The following SNRPD1 variants were observed in gnomAD, a reference collection of about 807,000 sequenced individuals.
SNRPD1 encodes small nuclear ribonucleoprotein Sm D1.
A neutral mutation model predicts 14.4 loss-of-function variants in SNRPD1; 1 was observed. The observed-to-expected ratio is 0.07, with a 90% CI of 0.02 to 0.33. The LOEUF (loss-of-function observed/expected upper bound fraction) is 0.33, where lower values mean the gene tolerates loss of function less well. SNRPD1 is among the 10% of genes least tolerant of loss of function. The pLI is 1.00. For synonymous variants in SNRPD1, 42 were observed against 50.3 expected (o/e 0.83, Z 0.70); for missense variants, 52 against 146.4 (o/e 0.36, Z 3.33).
intron 3 of SNRPD1, among the ~76,000 whole-genome samples, chr18:21,628,033 C>G (rs550976343): frequency 6.6e-6 from 1 of 152,124 alleles, no homozygotes; most frequent in Non-Finnish European, 1.5e-5. Context: ...TAATTAGCAT[C>G]TTAAACTTAC....
intron 3 of SNRPD1, among the ~76,000 whole-genome samples, chr18:21,625,316 A>ATTTTTTTTTTTTTTTTTTTTTTTTT (rs144395165): frequency 1.8e-5 from 2 of 109,102 alleles, no homozygotes; most frequent in Non-Finnish European, 3.3e-5. Flanking sequence ...GTTGAAAAAA[A>ATTTTTTTTTTTTTTTTTTTTTTTTT]TTTTTTTTTT....
At chr18:21,625,566 T>C (rs193270098) in intron 3 of SNRPD1, among the ~76,000 whole-genome samples, 1,801 of 152,080 alleles carry the variant, frequency 0.012, 20 homozygotes, top group Non-Finnish European at 0.017. Context: ...TCCACCCGCC[T>C]CGGCCTTCCA....
intron 3 of SNRPD1, among the ~76,000 whole-genome samples, chr18:21,625,310 A>T (rs1393230609): frequency 2.2e-5 from 2 of 90,080 alleles, no homozygotes; most frequent in African/African-American, 1.4e-4. Flanking sequence ...AATTTTGTTG[A>T]AAAAAATTTT....
chr18:21,627,354 ATCC>A (rs2039047799), intron 3 of SNRPD1, among the ~76,000 whole-genome samples: 2 of 151,346 alleles, frequency 1.3e-5, no homozygotes, highest in Non-Finnish European at 2.9e-5. Flanking sequence ...GTCTCAAACA[ATCC>A]TCCTGCTGTG....
intron 2 of SNRPD1, among the ~76,000 whole-genome samples, chr18:21,623,427 C>A (rs983158294): frequency 6.6e-6 from 1 of 152,128 alleles, no homozygotes; most frequent in Non-Finnish European, 1.5e-5. Flanking sequence ...GAGGAAGTTA[C>A]AAAGACAGTG....
intron 1 of SNRPD1, among the ~76,000 whole-genome samples, chr18:21,616,061 C>T (rs1160971935): frequency 3.3e-5 from 5 of 152,196 alleles, no homozygotes; most frequent in African/African-American, 1.2e-4. Flanking sequence ...TCTTGGTTCA[C>T]TGCAAGCTCC....
In SNRPD1 at chr18:21,631,833, G is replaced by C. The variant is rs1328350085; in HGVS notation, c.*2695G>C. On this transcript the variant is annotated 3_prime_UTR_variant, in exon 4 of 4. Transcript: ENST00000300413. ...TGCTCCTATTGCTTGTATCCAAGTA[G>C]AAGGCAAAAGGCAAGAGACCCCTGT... 6.6e-6 allele frequency: 1 copy of C among 152,014 alleles called. No individual in the cohort carries two copies. The highest frequency in any genetic ancestry group is 1.5e-5 in the Non-Finnish European group (1 of 68,028). The allele number at this position is 152,014 out of a possible 1,614,324, so 9.4% of individuals were successfully genotyped here.
intron 3 of SNRPD1, among the ~76,000 whole-genome samples, chr18:21,624,457 C>T (rs779672325): frequency 1.3e-5 from 2 of 151,556 alleles, no homozygotes; most frequent in Non-Finnish European, 2.9e-5. Context: ...TTTGGGAGGC[C>T]AAGGTGGGCA....
intron 1 of SNRPD1, among the ~76,000 whole-genome samples, chr18:21,616,880 AT>A (rs2146256558): frequency 7.4e-6 from 1 of 134,484 alleles, no homozygotes; most frequent in East Asian, 2.4e-4. Flanking sequence ...TAGAGATGGG[AT>A]TTCACCACTT....
chr18:21,619,779 C>CA lies in SNRPD1; in HGVS notation c.15-2937dup, dbSNP rs542087657. ...TGGGTGACAGAGCGAGACTCCGTCTCAAAAAAAAATAGAATTTTAAAAAAA... is the reference window on the plus strand; with the variant it reads ...TGGGTGACAGAGCGAGACTCCGTCTCAAAAAAAAAATAGAATTTTAAAAAAA... On this transcript the variant is annotated intron_variant, in intron 1 of 3. Transcript: ENST00000300413. Among the ~76,000 whole-genome samples the CA allele has an allele frequency of 8.2e-4, 122 of 148,836 alleles. 3 individuals carry two copies. The South Asian group carries it at 0.021, about 26-fold the overall frequency.
intron 3 of SNRPD1, among the ~76,000 whole-genome samples, chr18:21,625,671 C>T (rs1398876198): frequency 6.6e-6 from 1 of 152,010 alleles, no homozygotes; most frequent in Non-Finnish European, 1.5e-5. Context: ...AGTGCAGTGG[C>T]GCGATCTCGG....
intron 3 of SNRPD1, among the ~76,000 whole-genome samples, chr18:21,627,593 CT>C (rs780455215): frequency 9.9e-5 from 15 of 151,932 alleles, no homozygotes; most frequent in Non-Finnish European, 1.9e-4. Flanking sequence ...GTGCCCAGCC[CT>C]TTTGTTGTTG....
chr18:21,618,151 A>T (rs1474491729), intron 1 of SNRPD1, among the ~76,000 whole-genome samples: 3 of 151,742 alleles, frequency 2.0e-5, no homozygotes, highest in Non-Finnish European at 4.4e-5. Flanking sequence ...AGCTGGGTGC[A>T]GTGGCTCACG....
intron 1 of SNRPD1, among the ~76,000 whole-genome samples, chr18:21,619,018 A>G (rs1157813480): frequency 1.3e-5 from 2 of 151,840 alleles, no homozygotes; most frequent in Non-Finnish European, 2.9e-5. Context: ...AGTATATATT[A>G]TAGACTAAAA....
intron 3 of SNRPD1, among the ~76,000 whole-genome samples, chr18:21,627,931 T>G (rs2039052977): frequency 1.3e-5 from 2 of 152,212 alleles, no homozygotes; most frequent in African/African-American, 4.8e-5. Context: ...CTTAGTTTCC[T>G]TTAATGCGTA....
chr18:21,629,480 C>A lies in SNRPD1; in HGVS notation c.*342C>A. 1 of 201,228 alleles carries A rather than the reference C, an allele frequency of 5.0e-6. No individual in the cohort carries two copies. 12.5% of individuals were successfully genotyped at this position (201,228 alleles called of 1,614,324 possible). On this transcript the variant is annotated 3_prime_UTR_variant, in exon 4 of 4. Transcript: ENST00000300413. ...ATTCACAAATCAGGTAGCCCCTGAACCATAATAGGCTCAGAGGCTTCAGCC... is the reference window on the plus strand; with the variant it reads ...ATTCACAAATCAGGTAGCCCCTGAAACATAATAGGCTCAGAGGCTTCAGCC...
intron 1 of SNRPD1, among the ~76,000 whole-genome samples, chr18:21,619,798 A>T (rs934537180): frequency 4.4e-4 from 67 of 151,930 alleles, no homozygotes; most frequent in African/African-American, 1.6e-3. Context: ...ATAGAATTTT[A>T]AAAAAAGACG....
Position 21,617,739 on chromosome 18 carries a change from A to T in SNRPD1, c.15-4986A>T, listed in dbSNP as rs76557287. Among the ~76,000 whole-genome samples, 807 of 152,238 alleles carry T rather than the reference A, an allele frequency of 5.3e-3. 31 individuals are homozygous for T. Among genetic ancestry groups the T allele is most frequent in the East Asian group, 0.039 (200 of 5,146 alleles). On this transcript the variant is annotated intron_variant, in intron 1 of 3. Transcript: ENST00000300413. The stretch of plus-strand genomic sequence containing the variant: ...TTTCATCGGCCAGGCGTGGTGGTTC[A>T]TGCTTGTCATCGTAGCACTTTGTGA...
chr18:21,612,391 TG>T lies in SNRPD1; in HGVS notation c.-38del. ...CGGTCAGTGTTCGGTTGAAGGATTC[TG>T]TGTGCTGTCGGACCCAGAGGGTGAC... On this transcript the variant is annotated 5_prime_UTR_variant, in exon 1 of 4. Coordinates refer to ENST00000300413, the MANE Select transcript of SNRPD1 (RefSeq NM_006938.4). The T allele has an allele frequency of 1.3e-6, 2 of 1,530,176 alleles. No individual in the cohort carries two copies. The highest frequency in any genetic ancestry group is 1.8e-6 in the Non-Finnish European group (2 of 1,128,200). The allele number at this position is 1,530,176 out of a possible 1,614,324, so 94.8% of individuals were successfully genotyped here.
Sources: gnomAD v4.1 joint callset for allele counts (sites outside exome capture counted in the v4.1 genomes callset) on GRCh38, gnomAD v4.1.1 for gene constraint, MANE v1.5 for transcripts, NCBI Gene and HGNC (gene_info 2026-07-23, HGNC 2026-07-21) for gene names.